MIA2: variants seen among roughly 807,000 people sequenced by gnomAD.
MIA2 encodes the protein MIA SH3 domain ER export factor 2, also known as melanoma inhibitory activity protein 2.
In MIA2, 127 loss-of-function variants were observed where a neutral mutation model predicts 167.8. The observed-to-expected ratio is 0.76, with a 90% confidence interval of 0.66 to 0.88. MIA2 has a LOEUF of 0.88. Ranked by LOEUF, MIA2 falls within the 40% of genes least tolerant of loss-of-function variation. The pLI is 0.00. For synonymous variants in MIA2, 552 were observed against 541.9 expected, an observed-to-expected ratio of 1.02 and a Z score of -0.26; for missense variants, 1,690 against 1,624.7, an observed-to-expected ratio of 1.04 and a Z score of -0.69.
rs1265638625 is a variant in MIA2, at chr14:39,277,033, G to C, written c.1987G>C (p.Val663Leu). 3 of 1,613,570 alleles carry C rather than the reference G, an allele frequency of 1.9e-6. No individual in the cohort carries two copies. The highest frequency in any genetic ancestry group is 2.7e-5 in the African/African-American group (2 of 74,880). Reference protein sequence around the residue: ...ICAAVVGFFAVLFFLWRSFRS... With the variant: ...ICAAVVGFFALLFFLWRSFRS... ...TGCAGCTGTTGTTGGATTTTTTGCTGTTCTCTTTTTTTTGTGGAGAAGTTT... is the reference window on the plus strand; with the variant it reads ...TGCAGCTGTTGTTGGATTTTTTGCTCTTCTCTTTTTTTTGTGGAGAAGTTT... The change falls in exon 7 of 29, where the codon GTT becomes CTT. Residue 663 changes from valine (V) to leucine (L), a missense_variant. Transcript: ENST00000640607.
At chr14:39,387,312 G>C (rs1460102343) in exon 24 of MIA2, 1 of 195,212 alleles carries the variant, frequency 5.1e-6, no homozygotes, top group Non-Finnish European at 1.0e-5. Flanking sequence ...ACTGGACTTT[G>C]TAAGGAGTGG....
intron 26 of MIA2, chr14:39,346,947 T>C (rs2073403094): frequency 3.3e-6 from 1 of 306,190 alleles, no homozygotes. Context: ...TTAATTATTA[T>C]TTTTGAGACA....
intron 25 of MIA2, among the ~76,000 whole-genome samples, chr14:39,329,264 G>C (rs956883315): frequency 6.6e-6 from 1 of 151,946 alleles, no homozygotes; most frequent in African/African-American, 2.4e-5. Context: ...TTGGCTCTCT[G>C]TTATTGGTAT....
chr14:39,292,335 G>C (rs891155867), intron 10 of MIA2, among the ~76,000 whole-genome samples: 1 of 152,120 alleles, frequency 6.6e-6, no homozygotes, highest in Non-Finnish European at 1.5e-5. Context: ...AATTATTATA[G>C]GAGTAAAATT....
Position 39,247,441 on chromosome 14 carries a change from GAC to G in MIA2, c.871_872del (p.Gln291ValfsTer2). The part of the protein sequence containing the change: ...SESEIDSVPK[T>X]QSELASESEH... Reference sequence around the variant, plus strand: ...AATCAGAAATTGATTCAGTGCCAAAGACACAGTCTGAACTAGCATCTGAGTCA... The same window carrying G: ...AATCAGAAATTGATTCAGTGCCAAAGACAGTCTGAACTAGCATCTGAGTCA... On this transcript the variant is annotated frameshift_variant, in exon 4 of 29. Transcript: ENST00000640607. LOFTEE classifies it high-confidence loss of function. 1 of 1,614,036 alleles carries G rather than the reference GAC, an allele frequency of 6.2e-7. No individual in the cohort carries two copies. Among genetic ancestry groups the G allele is most frequent in the Non-Finnish European group, 8.5e-7 (1 of 1,180,004 alleles).
At chr14:39,255,003 G>A (rs566041289) in intron 6 of MIA2, among the ~76,000 whole-genome samples, 1 of 152,262 alleles carries the variant, frequency 6.6e-6, no homozygotes, top group South Asian at 2.1e-4. Flanking sequence ...TTTCTAGCTT[G>A]GGGGACCTGT....
At chr14:39,266,900 G>A in intron 6 of MIA2, 1 of 676,004 alleles carries the variant, frequency 1.5e-6, no homozygotes, top group Non-Finnish European at 1.8e-6. Context: ...CCGCCACCGC[G>A]GCCGCCCGAG....
At position 39,314,769 on chromosome 14, in the gene MIA2, G is replaced by A; in HGVS notation, c.3150G>A (p.Leu1050=). The change falls in exon 20 of 29, where the codon TTG becomes TTA. Residue 1050 remains leucine, a synonymous_variant. Transcript: ENST00000640607. ...GAGCCAAAGATCTTGAAGAAGAATT[G>A]GAGAGAACTATTCATTCTTATCAAG... ...RKRAKDLEEE[L]ERTIHSYQGQ... 2 of 1,601,926 alleles carry A rather than the reference G, an allele frequency of 1.2e-6. No homozygotes were observed. Among genetic ancestry groups the A allele is most frequent in the Non-Finnish European group, 1.7e-6 (2 of 1,174,270 alleles).
intron 21 of MIA2, among the ~76,000 whole-genome samples, chr14:39,317,418 G>C (rs922224403): frequency 2.0e-5 from 3 of 152,106 alleles, no homozygotes; most frequent in Non-Finnish European, 2.9e-5. Context: ...TAGGGAAAAA[G>C]TGTTCATTTC....
intron 4 of MIA2, among the ~76,000 whole-genome samples, chr14:39,250,209 T>C (rs1217906418): frequency 6.6e-6 from 1 of 152,120 alleles, no homozygotes; most frequent in African/African-American, 2.4e-5. Flanking sequence ...TATATAAAAA[T>C]ATTTTAGAGC....
chr14:39,384,466 A>G (rs2075230986), intron 23 of MIA2, among the ~76,000 whole-genome samples: 1 of 152,208 alleles, frequency 6.6e-6, no homozygotes, highest in Non-Finnish European at 1.5e-5. Flanking sequence ...TCTGCAGCCC[A>G]TGGATCAAAG....
intron 26 of MIA2, chr14:39,346,853 G>C (rs1595883953): frequency 6.9e-6 from 2 of 290,196 alleles, no homozygotes; most frequent in Admixed American, 4.4e-5. Flanking sequence ...CAATCCACCT[G>C]CCTTGGTCTC....
At chr14:39,267,243 A>G (rs1239168436) in intron 6 of MIA2, 12 of 1,382,678 alleles carry the variant, frequency 8.7e-6, no homozygotes, top group South Asian at 3.3e-5. Flanking sequence ...CTCGGGATGT[A>G]AAGTATAACA....
chr14:39,298,594 C>T (rs1188377235), intron 13 of MIA2, among the ~76,000 whole-genome samples: 1 of 116,496 alleles, frequency 8.6e-6, no homozygotes, highest in African/African-American at 3.3e-5. Context: ...GGTGCGCAGG[C>T]GGGCTGAGTC....
At chr14:39,264,051 A>G (rs2152662209) in intron 6 of MIA2, among the ~76,000 whole-genome samples, 1 of 152,296 alleles carries the variant, frequency 6.6e-6, no homozygotes, top group South Asian at 2.1e-4. Context: ...TCTGTCATCC[A>G]GATAGTGAAC....
intron 17 of MIA2, among the ~76,000 whole-genome samples, chr14:39,306,575 T>C (rs965686019): frequency 2.0e-5 from 3 of 152,212 alleles, no homozygotes; most frequent in African/African-American, 4.8e-5. Flanking sequence ...ACCTCTAACA[T>C]TGGGAATTAC....
chr14:39,286,100 GAGGTGGAGGTTGT>G (rs1184210964), intron 9 of MIA2, among the ~76,000 whole-genome samples: 1 of 152,034 alleles, frequency 6.6e-6, no homozygotes, highest in Non-Finnish European at 1.5e-5. Context: ...AGGTGGCTGG[GAGGTGGAGGTTGT>G]AGCTAGCCGA....
chr14:39,386,601 T>A, intron 23 of MIA2: 1 of 1,018,552 alleles, frequency 9.8e-7, no homozygotes. Flanking sequence ...GTGGGCTTTC[T>A]TTTTTCTTTT....
At chr14:39,346,312 T>G (rs2073234703) in intron 26 of MIA2, among the ~76,000 whole-genome samples, 1 of 152,214 alleles carries the variant, frequency 6.6e-6, no homozygotes, top group South Asian at 2.1e-4. Flanking sequence ...ATTTTTCTAG[T>G]CCACTTACAT....
Sources: gnomAD v4.1 joint callset for allele counts (sites outside exome capture counted in the v4.1 genomes callset) on GRCh38, gnomAD v4.1.1 for gene constraint, MANE v1.5 for transcripts, NCBI Gene and HGNC (gene_info 2026-07-23, HGNC 2026-07-21) for gene names.